The following IQCN variants were observed in gnomAD, a reference collection of about 807,000 sequenced individuals.
IQCN encodes IQ motif containing N.
In IQCN, 46 loss-of-function variants were observed where a neutral mutation model predicts 64.4. That is an observed-to-expected ratio of 0.71 (90% CI 0.56 to 0.91). The LOEUF (loss-of-function observed/expected upper bound fraction) is 0.91, where lower values mean the gene tolerates loss of function less well. IQCN is among the 40% of genes least tolerant of loss of function. The probability of loss-of-function intolerance (pLI) is 0.00; values close to 1 mark genes in which losing one functional copy is unlikely to be tolerated. For missense variants in IQCN, 1,753 were observed against 1,857.4 expected, an observed-to-expected ratio of 0.94 and a Z score of 1.03; for synonymous variants, 733 against 775.6, an observed-to-expected ratio of 0.95 and a Z score of 0.91.
In IQCN at chr19:18,257,387, G is replaced by A. The variant is rs778931811; in HGVS notation, c.3897C>T (p.Arg1299=). The change falls in exon 4 of 4, where the codon CGC becomes CGT. Residue 1299 remains arginine, a synonymous_variant. Coordinates refer to ENST00000392413, the MANE Select transcript of IQCN (RefSeq NM_001145304.2). ...GGATGGCTGTGGCCGCTTTGTCCTG[G>A]CGATGCGGCTGCCTGGGACTCAGGG... The part of the protein sequence containing the change: ...LAALSPRQPH[R]QDKAATAIQS... The A allele has an allele frequency of 8.7e-5, 140 of 1,611,376 alleles. No individual in the cohort carries two copies. Among genetic ancestry groups the A allele is most frequent in the Non-Finnish European group, 1.1e-4 (129 of 1,179,698 alleles).
In IQCN at chr19:18,265,752, TGCA is replaced by T. The variant is rs762330751; in HGVS notation, c.1785_1787del (p.Ala597del). The T allele has an allele frequency of 6.2e-7, 1 of 1,614,188 alleles. No homozygotes were observed. Among genetic ancestry groups the T allele is most frequent in the Admixed American group, 1.7e-5 (1 of 60,032 alleles). On this transcript the variant is annotated inframe_deletion, in exon 3 of 4. Coordinates refer to ENST00000392413, the MANE Select transcript of IQCN (RefSeq NM_001145304.2). The surrounding 1 kb of genome is among the most constrained non-coding windows in gnomAD (Gnocchi z 4.7). ...TCTCGGCTTCCAAAGGAAGCTCAGC[TGCA>T]GCCCTGGGGACCCCAGTTCCCGGAT...
chr19:18,257,793 G>A lies in IQCN; in HGVS notation c.3491C>T (p.Thr1164Met), dbSNP rs548738319. Residue 1164 changes from threonine to methionine, a missense_variant, in exon 4 of 4, where the codon ACG becomes ATG. Physicochemically the swap from Thr to Met is moderately conservative, Grantham distance 81 (BLOSUM62 -1). Transcript: ENST00000392413. ...GCCGCGCCAGGCAGACTGGATGGTC[G>A]TGGTGGCTCTGCAGAGGTGTGCCAG... is the stretch of plus-strand genomic sequence containing the variant. ...RNLAHLCRAT[T>M]TIQSAWRGYS... is the part of the protein sequence containing the mutation. 38 of 1,610,992 alleles carry A rather than the reference G, an allele frequency of 2.4e-5. No homozygotes were observed. The highest frequency in any genetic ancestry group is 1.7e-4 in the Admixed American group (10 of 59,948).
At position 18,257,872 on chromosome 19, in the gene IQCN, G is replaced by A. The variant is rs754066617; in HGVS notation, c.3412C>T (p.Arg1138Trp). ...GTAGCTTGGATGACCATGGCCCCCCGGTGCCACAGCCGGATCCTGCGACGC... is the reference window on the plus strand; with the variant it reads ...GTAGCTTGGATGACCATGGCCCCCCAGTGCCACAGCCGGATCCTGCGACGC... ...LARRRIRLWH[R>W]GAMVIQATWR... The change falls in exon 4 of 4, where the codon CGG (arginine) becomes TGG (tryptophan). Residue 1138 changes from arginine (R) to tryptophan (W), a missense_variant. By Grantham distance (101) the Arg-to-Trp change is moderately radical. Coordinates refer to ENST00000392413, the MANE Select transcript of IQCN (RefSeq NM_001145304.2). 28 of 1,612,138 alleles carry A rather than the reference G, an allele frequency of 1.7e-5. No homozygotes were observed. The highest frequency in any genetic ancestry group is 5.3e-5 in the African/African-American group (4 of 74,920).
intron 2 of IQCN, among the ~76,000 whole-genome samples, chr19:18,268,961 C>CA (rs35086395): frequency 0.02 from 1,072 of 54,210 alleles, 51 homozygotes; most frequent in African/African-American, 0.055. Flanking sequence ...GACTCTGTCT[C>CA]AAAAAAAAAA....
chr19:18,258,141 C>T, intron 3 of IQCN, 35 bp from the exon 4 acceptor site: 1 of 1,600,270 alleles, frequency 6.2e-7, no homozygotes, highest in Non-Finnish European at 8.5e-7. Flanking sequence ...TGCCTTGTGA[C>T]TAACGGCAGG....
chr19:18,257,469 C>G lies in IQCN; in HGVS notation c.3815G>C (p.Gly1272Ala). Reference sequence around the variant, plus strand: ...TGCCCCGGGGCCCTCAGTGCCCTGGCCCATGCCCTGCACCACACGGGTGGG... The same window carrying G: ...TGCCCCGGGGCCCTCAGTGCCCTGGGCCATGCCCTGCACCACACGGGTGGG... ...TQPTRVVQGMGQGTEGPGAVS... is the reference protein window; with the variant it reads ...TQPTRVVQGMAQGTEGPGAVS... The change falls in exon 4 of 4, where the codon GGC becomes GCC. Residue 1272 changes from glycine (G) to alanine (A), a missense_variant. Coordinates refer to ENST00000392413, the MANE Select transcript of IQCN (RefSeq NM_001145304.2). 1 of 1,607,608 alleles carries G rather than the reference C, an allele frequency of 6.2e-7. No individual in the cohort carries two copies. Among genetic ancestry groups the G allele is most frequent in the Non-Finnish European group, 8.5e-7 (1 of 1,177,430 alleles).
chr19:18,271,147 G>A (rs1969726205), intron 1 of IQCN, among the ~76,000 whole-genome samples: 1 of 147,122 alleles, frequency 6.8e-6, no homozygotes. Context: ...ACTCCAGCCT[G>A]GGCGACAGAG....
intron 1 of IQCN, among the ~76,000 whole-genome samples, chr19:18,270,051 T>TAAAAAAAAAAAAAAAAAAA (rs60981546): frequency 5.3e-5 from 4 of 75,860 alleles, no homozygotes; most frequent in African/African-American, 2.5e-4. Flanking sequence ...AACTGTCTCT[T>TAAAAAAAAAAAAAAAAAAA]AAAAAAAAAA....
chr19:18,258,752 T>C (rs1322701325), intron 3 of IQCN: 1 of 283,768 alleles, frequency 3.5e-6, no homozygotes, highest in Non-Finnish European at 7.0e-6. Flanking sequence ...TAGAAGCCAC[T>C]GTACCCTGAG....
Position 18,266,208 on chromosome 19 carries a change from T to C in IQCN, c.1332A>G (p.Val444=), listed in dbSNP as rs1361759304. The C allele has an allele frequency of 1.9e-6, 3 of 1,614,082 alleles. No homozygotes were observed. The highest frequency in any genetic ancestry group is 1.6e-4 in the Middle Eastern group (1 of 6,062). The part of the protein sequence containing the change: ...LASIMKSLPQ[V]CPGPAMAKTP... ...TCTTTGCCATCGCAGGCCCCGGGCA[T>C]ACCTGGGGCAGGCTCTTCATGATGG... The change falls in exon 3 of 4, where the codon GTA becomes GTG. Residue 444 remains valine, a synonymous_variant. Coordinates refer to ENST00000392413, the MANE Select transcript of IQCN (RefSeq NM_001145304.2). The surrounding 1 kb of genome is among the most constrained non-coding windows in gnomAD (Gnocchi z 4.3).
chr19:18,268,388 G>T (rs1471048990), intron 2 of IQCN, among the ~76,000 whole-genome samples: 1 of 151,938 alleles, frequency 6.6e-6, no homozygotes, highest in Admixed American at 6.6e-5. Flanking sequence ...ACTGATAAAT[G>T]GTGAGTGGAT....
chr19:18,272,667 C>G (rs376190614), intron 1 of IQCN, among the ~76,000 whole-genome samples: 10,213 of 150,144 alleles, frequency 0.068, 579 homozygotes, highest in African/African-American at 0.15. Context: ...CTGGAGTGCA[C>G]TGGCACCATC....
rs1258798966 is a variant in IQCN at position 18,264,688 on chromosome 19, G to A, written c.2852C>T (p.Ser951Phe). 1 of 1,551,256 alleles carries A rather than the reference G, an allele frequency of 6.4e-7. No individual in the cohort carries two copies. The highest frequency in any genetic ancestry group is 8.7e-7 in the Non-Finnish European group (1 of 1,146,990). Residue 951 changes from serine to phenylalanine, a missense_variant, in exon 3 of 4, where the codon TCC (serine) becomes TTC (phenylalanine). By Grantham distance (155) the Ser-to-Phe change is radical. Coordinates refer to ENST00000392413, the MANE Select transcript of IQCN (RefSeq NM_001145304.2). This position sits in a 1 kb window ranked among gnomAD's most constrained non-coding sequence, Gnocchi z 4.3. ...CAGCTCGCCCCGGGACAGGGCTCGG[G>A]ACAGGGTCAGGCGCAGCTCACTCCA... ...LSWSELRLTLSRALSRGELRA... is the reference protein window; with the variant it reads ...LSWSELRLTLFRALSRGELRA...
At chr19:18,270,481 A>G (rs1969712102) in intron 1 of IQCN, among the ~76,000 whole-genome samples, 1 of 151,852 alleles carries the variant, frequency 6.6e-6, no homozygotes, top group African/African-American at 2.4e-5. Flanking sequence ...GCAACATGGT[A>G]AAACCCGTCT....
Position 18,264,927 on chromosome 19 carries a change from GTCC to G in IQCN, c.2610_2612del (p.Glu870del). The G allele has an allele frequency of 1.9e-6, 3 of 1,613,100 alleles. No homozygotes were observed. The highest frequency in any genetic ancestry group is 2.5e-6 in the Non-Finnish European group (3 of 1,180,010). On this transcript the variant is annotated inframe_deletion, in exon 3 of 4. Transcript: ENST00000392413. This position sits in a 1 kb window ranked among gnomAD's most constrained non-coding sequence, Gnocchi z 4.3. ...AGGAGGCCAGCAGGGAGCCTACCGT[GTCC>G]TCCTGGCAGGGCACCGCCTGGCCGG...
chr19:18,258,195 TGGTTAA>T (rs1969355891), intron 3 of IQCN, 89 bp from the exon 4 acceptor site: 3 of 1,453,202 alleles, frequency 2.1e-6, no homozygotes, highest in Non-Finnish European at 2.9e-6. Flanking sequence ...CGGTGACTCC[TGGTTAA>T]AAAGGGGTGG....
chr19:18,272,899 C>T (rs956413836), intron 1 of IQCN, among the ~76,000 whole-genome samples: 14 of 151,992 alleles, frequency 9.2e-5, no homozygotes, highest in African/African-American at 2.9e-4. Flanking sequence ...CGTGAGCCAC[C>T]GCGCCTGGCC....
At chr19:18,273,403 T>TTTTGGCTCACTGCAAC (rs1568284489) in intron 1 of IQCN, among the ~76,000 whole-genome samples, 1 of 151,968 alleles carries the variant, frequency 6.6e-6, no homozygotes, top group African/African-American at 2.4e-5. Flanking sequence ...AATGGCGCCA[T>TTTTGGCTCACTGCAAC]CTTGGCTCAC....
intron 1 of IQCN, among the ~76,000 whole-genome samples, chr19:18,271,443 C>A (rs1444517032): frequency 6.8e-6 from 1 of 147,228 alleles, no homozygotes; most frequent in Non-Finnish European, 1.5e-5. Context: ...GCACACCAGC[C>A]TGGGTGACTG....
Sources: allele counts gnomAD v4.1 joint callset (sites outside exome capture counted in the v4.1 genomes callset), GRCh38; gene constraint gnomAD v4.1.1; non-coding constraint Gnocchi (gnomAD v3.1); transcripts MANE v1.5; gene names NCBI Gene and HGNC (gene_info 2026-07-23, HGNC 2026-07-21).